Variants in EPS8 observed in about 807,000 individuals in gnomAD.
EPS8 encodes the protein EGFR pathway substrate 8, signaling adaptor.
A neutral mutation model predicts 103.8 loss-of-function variants in EPS8; 42 were observed. That is an observed-to-expected ratio of 0.40 (90% CI 0.32 to 0.52). The LOEUF is 0.52. Ranked by LOEUF, EPS8 falls within the 20% of genes least tolerant of loss-of-function variation. The pLI is 0.40. For missense variants in EPS8, 969 were observed against 1,005.1 expected, an observed-to-expected ratio of 0.96 and a Z score of 0.49; for synonymous variants, 344 against 344.6, an observed-to-expected ratio of 1.00 and a Z score of 0.02.
intron 1 of EPS8, among the ~76,000 whole-genome samples, chr12:15,720,843 C>T (rs2135976505): frequency 6.6e-6 from 1 of 152,282 alleles, no homozygotes; most frequent in South Asian, 2.1e-4. Flanking sequence ...TAGCAATTCT[C>T]ATCCTTTAAG....
At position 15,757,870 on chromosome 12, in the gene EPS8, A is replaced by G. The variant is rs996158814; in HGVS notation, c.-22+31291T>C. 6.6e-6 allele frequency among the ~76,000 whole-genome samples: 1 copy of G among 152,170 alleles called. No individual in the cohort carries two copies. Among genetic ancestry groups the G allele is most frequent in the Non-Finnish European group, 1.5e-5 (1 of 68,026 alleles). ...TAGAAGAACAATAGCGTAAGGTACT[A>G]GCTCTCACAGTTTCTTTGCATCAAG... On this transcript the variant is annotated intron_variant, in intron 1 of 20. Transcript: ENST00000281172. The surrounding 1 kb of genome is among the most constrained non-coding windows in gnomAD (Gnocchi z 4.1).
chr12:15,656,361 G>A (rs1008139026), intron 12 of EPS8, among the ~76,000 whole-genome samples: 1 of 152,082 alleles, frequency 6.6e-6, no homozygotes, highest in African/African-American at 2.4e-5. Flanking sequence ...AAATAATTAG[G>A]CAAGTAGAAA....
At chr12:15,666,184 T>A (rs1489812743) in intron 7 of EPS8, among the ~76,000 whole-genome samples, 1 of 152,314 alleles carries the variant, frequency 6.6e-6, no homozygotes, top group East Asian at 1.9e-4. Flanking sequence ...ATACCTTCTC[T>A]TAAAATGCCA....
chr12:15,678,847 G>A (rs572229294), intron 3 of EPS8, among the ~76,000 whole-genome samples: 35 of 149,058 alleles, frequency 2.3e-4, no homozygotes, highest in African/African-American at 8.7e-4. Flanking sequence ...CCTGGAGGCG[G>A]AGGCTGCAGT....
chr12:15,726,084 A>C (rs899408103), intron 1 of EPS8, among the ~76,000 whole-genome samples: 1 of 152,162 alleles, frequency 6.6e-6, no homozygotes. Context: ...AATAGACAGA[A>C]AGATTTAAGG....
At position 15,785,358 on chromosome 12, in the gene EPS8, T is replaced by C. The variant is rs1947301165; in HGVS notation, c.-22+3803A>G. ...TGGGAGCACAGGTTAACAATTCCAA[T>C]GCTGCTATACATCTATGATAGAAAT... On this transcript the variant is annotated intron_variant, in intron 1 of 20. Coordinates refer to ENST00000281172, the MANE Select transcript of EPS8 (RefSeq NM_004447.6). This position sits in a 1 kb window ranked among gnomAD's most constrained non-coding sequence, Gnocchi z 4.9. 6.6e-6 allele frequency among the ~76,000 whole-genome samples: 1 copy of C among 152,112 alleles called. No homozygotes were observed. The highest frequency in any genetic ancestry group is 2.1e-4 in the South Asian group (1 of 4,834).
chr12:15,768,650 G>A (rs1009724015), intron 1 of EPS8, among the ~76,000 whole-genome samples: 3 of 151,848 alleles, frequency 2.0e-5, no homozygotes, highest in Non-Finnish European at 2.9e-5. Flanking sequence ...TTACTCTCAA[G>A]CAAAATAATC....
chr12:15,646,298 GAA>G (rs1241884216), intron 15 of EPS8, among the ~76,000 whole-genome samples: 1 of 152,070 alleles, frequency 6.6e-6, no homozygotes, highest in East Asian at 1.9e-4. Flanking sequence ...ATTATATTAA[GAA>G]AAGAGTATAC....
chr12:15,683,149 A>G, intron 1 of EPS8, 177 bp from the exon 2 acceptor site: 1 of 406,366 alleles, frequency 2.5e-6, no homozygotes, highest in Non-Finnish European at 4.3e-6. Context: ...ACATTTAAAC[A>G]AAGATCCAAC....
At chr12:15,661,400 A>AAATT (rs1249061816) in intron 9 of EPS8, among the ~76,000 whole-genome samples, 1 of 152,194 alleles carries the variant, frequency 6.6e-6, no homozygotes, top group East Asian at 1.9e-4. Flanking sequence ...ATTGAATTAG[A>AAATT]AATTTCAAAT....
chr12:15,743,163 T>C (rs531820450), intron 1 of EPS8, among the ~76,000 whole-genome samples: 170 of 152,250 alleles, frequency 1.1e-3, no homozygotes, highest in African/African-American at 3.9e-3. Flanking sequence ...CCATTCACAA[T>C]TGCTTCAAAG....
At position 15,701,768 on chromosome 12, in the gene EPS8, A is replaced by C. The variant is rs1946314323; in HGVS notation, c.-21-18796T>G. Among the ~76,000 whole-genome samples the C allele has an allele frequency of 6.6e-6, 1 of 152,214 alleles. No individual in the cohort carries two copies. Among genetic ancestry groups the C allele is most frequent in the Non-Finnish European group, 1.5e-5 (1 of 68,030 alleles). Reference sequence around the variant, plus strand: ...AAATATCTCACAGACCTATAAAAACACCAAAATGATACTGCCCTGGACACG... The same window carrying C: ...AAATATCTCACAGACCTATAAAAACCCCAAAATGATACTGCCCTGGACACG... On this transcript the variant is annotated intron_variant, in intron 1 of 20. Transcript: ENST00000281172. The surrounding 1 kb of genome is among the most constrained non-coding windows in gnomAD (Gnocchi z 5.1).
intron 1 of EPS8, among the ~76,000 whole-genome samples, chr12:15,691,557 A>C (rs923106598): frequency 2.0e-5 from 3 of 152,124 alleles, no homozygotes; most frequent in Non-Finnish European, 2.9e-5. Flanking sequence ...GCCTTCCTTC[A>C]CAGGCTGTGA....
chr12:15,730,768 C>T (rs1946706720), intron 1 of EPS8, among the ~76,000 whole-genome samples: 1 of 152,130 alleles, frequency 6.6e-6, no homozygotes. Context: ...CTCATCTATA[C>T]TTCCTTTCTT....
In EPS8 at chr12:15,778,360, C is replaced by A. The variant is rs1387589814; in HGVS notation, c.-22+10801G>T. Reference sequence around the variant, plus strand: ...ATTGGACCAATGACCAGATTTTTATCACAGAAAGGATTCCATTGCTATTAA... The same window carrying A: ...ATTGGACCAATGACCAGATTTTTATAACAGAAAGGATTCCATTGCTATTAA... On this transcript the variant is annotated intron_variant, in intron 1 of 20. Transcript: ENST00000281172. The surrounding 1 kb of genome is among the most constrained non-coding windows in gnomAD (Gnocchi z 4.5). Among the ~76,000 whole-genome samples the A allele has an allele frequency of 6.6e-6, 1 of 152,160 alleles. No homozygotes were observed. Among genetic ancestry groups the A allele is most frequent in the African/African-American group, 2.4e-5 (1 of 41,428 alleles).
chr12:15,767,020 T>C lies in EPS8; in HGVS notation c.-22+22141A>G, dbSNP rs1007114483. On this transcript the variant is annotated intron_variant, in intron 1 of 20. Transcript: ENST00000281172. The surrounding 1 kb of genome is among the most constrained non-coding windows in gnomAD (Gnocchi z 5.5). ...AATAGCCATCTCTGATGTTTAAATA[T>C]ATATATATGATGACAATGATGATGG... Among the ~76,000 whole-genome samples, 2 of 152,164 alleles carry C rather than the reference T, an allele frequency of 1.3e-5. No homozygotes were observed. The highest frequency in any genetic ancestry group is 4.8e-5 in the African/African-American group (2 of 41,428).
chr12:15,741,366 C>T (rs1946820834), intron 1 of EPS8, among the ~76,000 whole-genome samples: 1 of 152,118 alleles, frequency 6.6e-6, no homozygotes, highest in Non-Finnish European at 1.5e-5. Flanking sequence ...CAGTGAGATG[C>T]CACTTTAGGT....
intron 1 of EPS8, among the ~76,000 whole-genome samples, chr12:15,766,442 G>A (rs1420188445): frequency 5.3e-5 from 8 of 151,226 alleles, no homozygotes; most frequent in African/African-American, 9.7e-5. Flanking sequence ...GCAGTGAGCC[G>A]AGCCGAGATT....
intron 8 of EPS8, 70 bp downstream of exon 8, chr12:15,665,686 A>G (rs1945695332): frequency 1.3e-6 from 2 of 1,561,420 alleles, no homozygotes; most frequent in East Asian, 2.3e-5. Context: ...CAGCATCAGA[A>G]TTTGAAAGCA....
Sources: gnomAD v4.1 joint callset for allele counts (sites outside exome capture counted in the v4.1 genomes callset) on GRCh38, gnomAD v4.1.1 for gene constraint, Gnocchi (gnomAD v3.1) non-coding constraint, MANE v1.5 for transcripts, NCBI Gene and HGNC (gene_info 2026-07-23, HGNC 2026-07-21) for gene names.